FOXP2: variants seen among roughly 807,000 people sequenced by gnomAD.
FOXP2 encodes forkhead box P2.
FOXP2 carries 12 observed loss-of-function variants against 115.8 expected under a neutral mutation model. That is an observed-to-expected ratio of 0.10 (90% CI 0.07 to 0.17). The LOEUF is 0.17. Among genes scored for constraint, FOXP2 ranks in the 10% least tolerant of loss-of-function variants. The pLI is 1.00. For missense variants in FOXP2, 629 were observed against 843.5 expected, an observed-to-expected ratio of 0.75 and a Z score of 3.15; for synonymous variants, 328 against 297.7, an observed-to-expected ratio of 1.10 and a Z score of -1.05.
chr7:114,319,460 T>TA (rs1253326447), intron 2 of FOXP2, among the ~76,000 whole-genome samples: 1 of 152,212 alleles, frequency 6.6e-6, no homozygotes, highest in Non-Finnish European at 1.5e-5. Flanking sequence ...TTATTGGACT[T>TA]ACAGTTCCAC....
intron 2 of FOXP2, among the ~76,000 whole-genome samples, chr7:114,344,463 T>C (rs1584652486): frequency 1.3e-5 from 2 of 151,952 alleles, no homozygotes; most frequent in East Asian, 3.9e-4. Context: ...ACGTTTACTC[T>C]TCATCTGAGA....
chr7:114,269,503 G>T (rs1016404918), intron 1 of FOXP2, among the ~76,000 whole-genome samples: 10 of 152,030 alleles, frequency 6.6e-5, no homozygotes, highest in Non-Finnish European at 2.9e-5. Context: ...CTGGCTCACT[G>T]CAGCTTTGGA....
At chr7:114,391,722 C>A (rs568297220) in intron 2 of FOXP2, among the ~76,000 whole-genome samples, 4 of 152,288 alleles carry the variant, frequency 2.6e-5, no homozygotes, top group African/African-American at 9.6e-5. Context: ...GCCTTTCTGT[C>A]CATGGCTAAC....
intron 2 of FOXP2, among the ~76,000 whole-genome samples, chr7:114,481,804 CTATCT>C (rs1393766648): frequency 6.8e-6 from 1 of 147,996 alleles, no homozygotes; most frequent in Non-Finnish European, 1.5e-5. Flanking sequence ...ATCTATCTAT[CTATCT>C]ATATATCTAT....
At chr7:114,172,308 A>G (rs921053591) in intron 1 of FOXP2, among the ~76,000 whole-genome samples, 1 of 152,172 alleles carries the variant, frequency 6.6e-6, no homozygotes, top group African/African-American at 2.4e-5. Context: ...ACATTCTGTA[A>G]AAGGCAAAAG....
At chr7:114,310,998 G>A (rs1240637788) in intron 2 of FOXP2, among the ~76,000 whole-genome samples, 1 of 152,092 alleles carries the variant, frequency 6.6e-6, no homozygotes, top group Admixed American at 6.5e-5. Context: ...CCTTGGGGTG[G>A]GCTGTCTGCC....
intron 9 of FOXP2, among the ~76,000 whole-genome samples, 193 bp downstream of exon 9, chr7:114,652,483 A>C (rs975219113): frequency 6.6e-6 from 1 of 152,256 alleles, no homozygotes; most frequent in South Asian, 2.1e-4. Context: ...CTGTAGTTTA[A>C]TGTACTTATC....
intron 2 of FOXP2, among the ~76,000 whole-genome samples, chr7:114,378,636 C>A (rs1325767462): frequency 7.6e-6 from 1 of 131,354 alleles, no homozygotes; most frequent in Non-Finnish European, 1.6e-5. Context: ...GTGAGCCATA[C>A]TCGAACCACT....
chr7:114,094,051 A>T (rs1799595305), intron 1 of FOXP2, among the ~76,000 whole-genome samples: 1 of 152,182 alleles, frequency 6.6e-6, no homozygotes, highest in Non-Finnish European at 1.5e-5. Context: ...GGAAAGATGG[A>T]GGGAAATGGG....
chr7:114,271,429 T>G, intron 1 of FOXP2, among the ~76,000 whole-genome samples: 1 of 144,968 alleles, frequency 6.9e-6, no homozygotes, highest in East Asian at 2.0e-4. Flanking sequence ...AGATGTTCTT[T>G]ATCAAGTTAA....
intron 1 of FOXP2, among the ~76,000 whole-genome samples, chr7:114,119,174 A>G (rs945466291): frequency 6.6e-6 from 1 of 152,158 alleles, no homozygotes; most frequent in African/African-American, 2.4e-5. Context: ...CATTAACAAA[A>G]TTCAGCTCAT....
At chr7:114,613,242 C>T (rs919424549) in intron 3 of FOXP2, among the ~76,000 whole-genome samples, 7 of 152,086 alleles carry the variant, frequency 4.6e-5, no homozygotes. Context: ...TGTTTTTATA[C>T]CCTTGTCCCA....
At chr7:114,321,973 GATTTT>G (rs1285505790) in intron 2 of FOXP2, among the ~76,000 whole-genome samples, 1 of 150,398 alleles carries the variant, frequency 6.6e-6, no homozygotes, top group Non-Finnish European at 1.5e-5. Flanking sequence ...CTCTGTTGAT[GATTTT>G]ATTATTAGCC....
chr7:114,420,342 G>C (rs771604484), intron 1 of FOXP2, among the ~76,000 whole-genome samples: 1 of 151,896 alleles, frequency 6.6e-6, no homozygotes, highest in Non-Finnish European at 1.5e-5. Flanking sequence ...AAAAAAGAGG[G>C]AGGTTTTGCC....
intron 1 of FOXP2, among the ~76,000 whole-genome samples, chr7:114,187,851 CAAGGG>C (rs1159708365): frequency 6.6e-6 from 1 of 152,116 alleles, no homozygotes; most frequent in Non-Finnish European, 1.5e-5. Context: ...CAACCTCTCA[CAAGGG>C]CTTTCTTGCA....
chr7:114,166,470 C>T (rs566769054), intron 1 of FOXP2, among the ~76,000 whole-genome samples: 18 of 152,122 alleles, frequency 1.2e-4, no homozygotes, highest in Middle Eastern at 3.4e-3. Context: ...TTGGGAGTTC[C>T]GACGTGGGCA....
At chr7:114,665,945 T>G (rs1807140826) in intron 16 of FOXP2, 1 of 152,086 alleles carries the variant, frequency 6.6e-6, no homozygotes, top group African/African-American at 2.4e-5. Flanking sequence ...AAATAATAAT[T>G]GGGCTAAATT....
intron 16 of FOXP2, chr7:114,668,012 T>G (rs1398968204): frequency 2.0e-5 from 3 of 152,010 alleles, no homozygotes; most frequent in African/African-American, 7.2e-5. Flanking sequence ...AGATGAAAAT[T>G]GGGAAAATTC....
intron 1 of FOXP2, among the ~76,000 whole-genome samples, chr7:114,236,852 C>G (rs889180376): frequency 6.6e-6 from 1 of 152,034 alleles, no homozygotes; most frequent in African/African-American, 2.4e-5. Context: ...TGGTGGACAC[C>G]TGTAATCCCA....
Sources: allele counts gnomAD v4.1 joint callset (sites outside exome capture counted in the v4.1 genomes callset), GRCh38; gene constraint gnomAD v4.1.1; transcripts MANE v1.5; gene names NCBI Gene and HGNC (gene_info 2026-07-23, HGNC 2026-07-21).